FGGY: variants seen among roughly 807,000 people sequenced by gnomAD.
FGGY encodes the protein FGGY carbohydrate kinase domain-containing protein.
FGGY carries 72 observed loss-of-function variants against 71.3 expected under a neutral mutation model. The observed-to-expected ratio is 1.01, with a 90% CI of 0.84 to 1.23. FGGY has a LOEUF of 1.23. FGGY is among the 50% of genes most tolerant of loss of function. The pLI is 0.00. For synonymous variants in FGGY, 251 were observed against 250.3 expected, an observed-to-expected ratio of 1.00 and a Z score of -0.02; for missense variants, 668 against 682.3, an observed-to-expected ratio of 0.98 and a Z score of 0.23.
intron 7 of FGGY, among the ~76,000 whole-genome samples, chr1:59,537,761 T>C (rs2095356975): frequency 1.3e-5 from 2 of 152,084 alleles, no homozygotes; most frequent in South Asian, 4.2e-4. Flanking sequence ...ATTCCCTATT[T>C]AATAAATGGT....
At chr1:59,456,528 A>C (rs2091713689) in intron 5 of FGGY, among the ~76,000 whole-genome samples, 1 of 149,468 alleles carries the variant, frequency 6.7e-6, no homozygotes, top group Admixed American at 6.7e-5. Flanking sequence ...GGCTCACTGC[A>C]AGCTCTGCCT....
chr1:59,373,748 C>T (rs377599681), intron 4 of FGGY, among the ~76,000 whole-genome samples: 22 of 151,972 alleles, frequency 1.4e-4, no homozygotes, highest in East Asian at 7.7e-4. Context: ...TCAGAAATAA[C>T]GCCGCATATC....
intron 14 of FGGY, among the ~76,000 whole-genome samples, chr1:59,745,155 A>C (rs1291881427): frequency 1.3e-5 from 2 of 152,168 alleles, no homozygotes; most frequent in African/African-American, 4.8e-5. Context: ...GTTGGTTTGG[A>C]ATGGATTCTG....
At chr1:59,462,184 C>A (rs1034150673) in intron 6 of FGGY, among the ~76,000 whole-genome samples, 1 of 152,012 alleles carries the variant, frequency 6.6e-6, no homozygotes, top group African/African-American at 2.4e-5. Flanking sequence ...CTTTGACAAA[C>A]CTGAGAAAAA....
At chr1:59,468,597 G>A (rs2092769629) in intron 6 of FGGY, among the ~76,000 whole-genome samples, 1 of 152,174 alleles carries the variant, frequency 6.6e-6, no homozygotes, top group Admixed American at 6.5e-5. Context: ...TCTTGGCTGG[G>A]CGTGGTGGCT....
intron 6 of FGGY, among the ~76,000 whole-genome samples, chr1:59,462,523 C>A (rs1251667453): frequency 1.3e-5 from 2 of 152,104 alleles, no homozygotes; most frequent in Non-Finnish European, 2.9e-5. Context: ...GAACAGGCAA[C>A]CCACAAAATG....
chr1:59,637,928 T>C (rs1191466278), intron 10 of FGGY, among the ~76,000 whole-genome samples: 2 of 152,220 alleles, frequency 1.3e-5, no homozygotes, highest in African/African-American at 2.4e-5. Context: ...GATATCTGTT[T>C]TTACAGATGA....
chr1:59,418,691 G>C (rs1277777911), intron 5 of FGGY, among the ~76,000 whole-genome samples: 1 of 152,102 alleles, frequency 6.6e-6, no homozygotes, highest in Non-Finnish European at 1.5e-5. Flanking sequence ...GAGAACAAAA[G>C]GATGGCAGTT....
intron 14 of FGGY, among the ~76,000 whole-genome samples, chr1:59,691,173 C>A (rs1327670179): frequency 3.3e-5 from 5 of 152,210 alleles, no homozygotes; most frequent in Admixed American, 1.3e-4. Context: ...AGGGTCTTTG[C>A]TGAACATAAG....
chr1:59,431,080 C>T (rs1484133929), intron 5 of FGGY, among the ~76,000 whole-genome samples: 2 of 152,106 alleles, frequency 1.3e-5, no homozygotes, highest in South Asian at 2.1e-4. Context: ...GGATCCATTG[C>T]CCTCCTAACT....
intron 1 of FGGY, among the ~76,000 whole-genome samples, chr1:59,304,172 GTTTT>G (rs1321512733): frequency 6.6e-6 from 1 of 152,088 alleles, no homozygotes. Flanking sequence ...ATGTCGAGGA[GTTTT>G]TTGTCGTTTT....
At chr1:59,705,491 C>A (rs1211206528) in intron 14 of FGGY, among the ~76,000 whole-genome samples, 1 of 152,150 alleles carries the variant, frequency 6.6e-6, no homozygotes, top group Non-Finnish European at 1.5e-5. Flanking sequence ...ACCAGGCTGG[C>A]AGGTCCCTGT....
intron 1 of FGGY, among the ~76,000 whole-genome samples, chr1:59,313,634 A>T (rs764312873): frequency 8.5e-5 from 13 of 152,180 alleles, no homozygotes; most frequent in Non-Finnish European, 1.3e-4. Flanking sequence ...CATAAAAAGG[A>T]ATGAATTAAT....
At chr1:59,482,481 T>C (rs150942575) in intron 6 of FGGY, among the ~76,000 whole-genome samples, 3 of 152,178 alleles carry the variant, frequency 2.0e-5, no homozygotes, top group African/African-American at 4.8e-5. Context: ...TATTTATATA[T>C]ATATAAACAG....
chr1:59,507,684 ATTTT>A (rs561953004), intron 6 of FGGY, among the ~76,000 whole-genome samples: 2,560 of 106,898 alleles, frequency 0.024, 68 homozygotes, highest in African/African-American at 0.085. Flanking sequence ...TGCTTGGCTA[ATTTT>A]TTTTTTTTTT....
At chr1:59,665,295 C>T (rs1415981588) in intron 12 of FGGY, among the ~76,000 whole-genome samples, 1 of 152,082 alleles carries the variant, frequency 6.6e-6, no homozygotes, top group African/African-American at 2.4e-5. Context: ...AGGATCTGGC[C>T]TTATATGGCA....
At chr1:59,740,646 C>A (rs749350604) in intron 14 of FGGY, among the ~76,000 whole-genome samples, 1 of 152,220 alleles carries the variant, frequency 6.6e-6, no homozygotes, top group Non-Finnish European at 1.5e-5. Context: ...CAGATACAGT[C>A]TTTTTCTCCT....
chr1:59,479,275 GGA>G (rs150344944), intron 6 of FGGY, among the ~76,000 whole-genome samples: 1 of 151,940 alleles, frequency 6.6e-6, no homozygotes, highest in Non-Finnish European at 1.5e-5. Flanking sequence ...GAGTGTGGGG[GGA>G]GAGAGAGAGA....
intron 5 of FGGY, among the ~76,000 whole-genome samples, chr1:59,386,976 C>T (rs1183058797): frequency 6.6e-6 from 1 of 151,884 alleles, no homozygotes. Context: ...AATATTCTAC[C>T]TTTTCCTTTA....
Sources: gnomAD v4.1 joint callset for allele counts (sites outside exome capture counted in the v4.1 genomes callset) on GRCh38, gnomAD v4.1.1 for gene constraint, MANE v1.5 for transcripts, NCBI Gene and HGNC (gene_info 2026-07-23, HGNC 2026-07-21) for gene names.